The following DOCK10 variants were observed in gnomAD, a reference collection of about 807,000 sequenced individuals.
DOCK10 encodes dedicator of cytokinesis 10, also known as dedicator of cytokinesis protein 10.
Under a neutral mutation model 280.1 loss-of-function variants are expected in DOCK10, and 145 were observed. The observed-to-expected ratio is 0.52, with a 90% CI of 0.45 to 0.59. The LOEUF (loss-of-function observed/expected upper bound fraction) is 0.59, where lower values mean the gene tolerates loss of function less well. DOCK10 is among the 20% of genes least tolerant of loss of function. The probability of loss-of-function intolerance (pLI) is 0.00; values close to 1 mark genes in which losing one functional copy is unlikely to be tolerated. For missense variants in DOCK10, 2,368 were observed against 2,651.7 expected, an observed-to-expected ratio of 0.89 and a Z score of 2.35; for synonymous variants, 915 against 942.2, an observed-to-expected ratio of 0.97 and a Z score of 0.53.
At chr2:224,854,839 G>C in intron 16 of DOCK10, 124 bp downstream of exon 16, 4 of 624,312 alleles carry the variant, frequency 6.4e-6, no homozygotes, top group Non-Finnish European at 1.1e-5. Flanking sequence ...CCAAAACCTT[G>C]TAACCAACCA....
chr2:224,919,506 G>T (rs1488117189), intron 2 of DOCK10, among the ~76,000 whole-genome samples: 2 of 151,500 alleles, frequency 1.3e-5, no homozygotes, highest in Admixed American at 6.6e-5. Flanking sequence ...GTGTGAGTGT[G>T]TACGTGTGGT....
chr2:224,945,442 A>C (rs1703349208), intron 1 of DOCK10, among the ~76,000 whole-genome samples: 3 of 152,108 alleles, frequency 2.0e-5, no homozygotes, highest in Admixed American at 6.5e-5. Context: ...AGCTACATTT[A>C]ATGTGAACAA....
chr2:224,936,997 A>G (rs1272270768), intron 1 of DOCK10, among the ~76,000 whole-genome samples: 2 of 152,142 alleles, frequency 1.3e-5, no homozygotes, highest in East Asian at 3.8e-4. Context: ...AAAGATACAC[A>G]AAACCCTGGG....
At chr2:224,907,091 A>G (rs1575035035) in intron 3 of DOCK10, among the ~76,000 whole-genome samples, 1 of 152,262 alleles carries the variant, frequency 6.6e-6, no homozygotes, top group Non-Finnish European at 1.5e-5. Context: ...CAATTAGCAG[A>G]GTCTTATATA....
chr2:224,984,028 CCTCTGTTT>C (rs1705887232), intron 1 of DOCK10, among the ~76,000 whole-genome samples: 1 of 152,148 alleles, frequency 6.6e-6, no homozygotes, highest in Non-Finnish European at 1.5e-5. Flanking sequence ...AGAGTGGGCT[CCTCTGTTT>C]GTGAATGTGT....
At chr2:224,823,446 C>G in intron 28 of DOCK10, 55 bp downstream of exon 28, 13 of 1,464,766 alleles carry the variant, frequency 8.9e-6, no homozygotes, top group Non-Finnish European at 1.2e-5. Context: ...TTTAGACTAT[C>G]TTGCATCCAC....
At chr2:224,841,407 ATAAAG>A (rs1695956647) in intron 23 of DOCK10, among the ~76,000 whole-genome samples, 1 of 152,214 alleles carries the variant, frequency 6.6e-6, no homozygotes, top group Admixed American at 6.5e-5. Flanking sequence ...TTAGAAAAAA[ATAAAG>A]TATATTCTGC....
At chr2:224,820,801 G>A (rs1438246899) in intron 28 of DOCK10, among the ~76,000 whole-genome samples, 1 of 152,212 alleles carries the variant, frequency 6.6e-6, no homozygotes, top group Non-Finnish European at 1.5e-5. Flanking sequence ...TACCACAGAT[G>A]TTTAAACCAA....
intron 1 of DOCK10, among the ~76,000 whole-genome samples, chr2:225,016,996 T>A (rs777755041): frequency 6.6e-5 from 10 of 152,096 alleles, no homozygotes; most frequent in South Asian, 4.2e-4. Context: ...GTGCTGGGAT[T>A]ACAGGCATGA....
At chr2:224,924,447 T>C (rs1169217446) in intron 2 of DOCK10, among the ~76,000 whole-genome samples, 1 of 152,242 alleles carries the variant, frequency 6.6e-6, no homozygotes. Context: ...ATACGTGGAC[T>C]ATATGGTCTT....
In DOCK10 at chr2:224,856,792, A is replaced by ATTTTTATCAT. The variant is rs1697173750; in HGVS notation, c.1808+67_1808+68insATGATAAAAA. The ATTTTTATCAT allele has an allele frequency of 1.2e-5, 17 of 1,418,792 alleles. 1 individual carries two copies. The highest frequency in any genetic ancestry group is 1.6e-5 in the Non-Finnish European group (17 of 1,049,286). The allele number at this position is 1,418,792 out of a possible 1,614,324, so 87.9% of individuals were successfully genotyped here. A position where few individuals can be genotyped will look rare whatever the true frequency, so the allele number is the denominator to read the frequency against. ...GTGTTCGAGAATGAGATCCTCAGGT[A>ATTTTTATCAT]TTTATGAAGTGATAAAAAATCAACA... On this transcript the variant is annotated intron_variant, in intron 15 of 55. Transcript: ENST00000258390.
chr2:224,913,242 C>T (rs773936424), intron 3 of DOCK10, among the ~76,000 whole-genome samples: 1 of 152,004 alleles, frequency 6.6e-6, no homozygotes, highest in African/African-American at 2.4e-5. Context: ...ATCATGTGAT[C>T]GTGTTTCTTT....
chr2:224,826,467 C>T (rs1260686463), intron 27 of DOCK10, among the ~76,000 whole-genome samples: 2 of 152,142 alleles, frequency 1.3e-5, no homozygotes, highest in African/African-American at 2.4e-5. Flanking sequence ...ATCTTCCACA[C>T]TTACTCCTTG....
chr2:224,942,855 C>T (rs1343527003), intron 1 of DOCK10, among the ~76,000 whole-genome samples: 3 of 146,202 alleles, frequency 2.1e-5, no homozygotes, highest in Non-Finnish European at 4.4e-5. Context: ...AGATTAATGA[C>T]CCATAAACCA....
chr2:225,001,552 T>G (rs1372874491), intron 1 of DOCK10, among the ~76,000 whole-genome samples: 1 of 152,102 alleles, frequency 6.6e-6, no homozygotes, highest in Admixed American at 6.5e-5. Flanking sequence ...CCTCCCAAAG[T>G]GCTGGGATTA....
intron 1 of DOCK10, among the ~76,000 whole-genome samples, chr2:225,040,254 A>G (rs6732063): frequency 0.35 from 53,107 of 151,932 alleles, 10,337 homozygotes; most frequent in African/African-American, 0.53. Context: ...CTGATGGGAT[A>G]GTATGCAAAG....
At chr2:224,998,898 C>T (rs1480583685) in intron 1 of DOCK10, among the ~76,000 whole-genome samples, 1 of 152,090 alleles carries the variant, frequency 6.6e-6, no homozygotes. Context: ...CTTAAAATTT[C>T]ATTTATAGCC....
chr2:224,961,472 C>CTTTCTTTCTTTCTT (rs1559874257), intron 1 of DOCK10, among the ~76,000 whole-genome samples: 54 of 102,980 alleles, frequency 5.2e-4, no homozygotes, highest in African/African-American at 1.5e-3. Context: ...CTTTCTTTTT[C>CTTTCTTTCTTTCTT]TTTCTTTCTT....
rs79315603 is a variant in DOCK10 at position 224,878,597 on chromosome 2, C to T, written c.748-2376G>A. Among the ~76,000 whole-genome samples the T allele has an allele frequency of 6.1e-3, 929 of 152,314 alleles. 10 individuals are homozygous for T. Among genetic ancestry groups the T allele is most frequent in the African/African-American group, 0.02 (820 of 41,564 alleles). ...TGTGGTTTCTCTCAGTGCTCAAGAA[C>T]ACATAGTGGGGCAACACATAGTCTT... On this transcript the variant is annotated intron_variant, in intron 7 of 55. Transcript: ENST00000258390.
Sources: gnomAD v4.1 joint callset for allele counts (sites outside exome capture counted in the v4.1 genomes callset) on GRCh38, gnomAD v4.1.1 for gene constraint, MANE v1.5 for transcripts, NCBI Gene and HGNC (gene_info 2026-07-23, HGNC 2026-07-21) for gene names.